The following ZAN variants were observed in gnomAD, a reference collection of about 807,000 sequenced individuals.
ZAN encodes zonadhesin, also known as zonadhesin (gene/pseudogene).
Under a neutral mutation model 286.2 loss-of-function variants are expected in ZAN, and 260 were observed. That is an observed-to-expected ratio of 0.91 (90% CI 0.82 to 1.01). The LOEUF (loss-of-function observed/expected upper bound fraction) is 1.01, where lower values mean the gene tolerates loss of function less well. Ranked by LOEUF, ZAN falls within the 50% of genes least tolerant of loss-of-function variation. The pLI is 0.00. For missense variants in ZAN, 3,410 were observed against 3,639.2 expected, an observed-to-expected ratio of 0.94 and a Z score of 1.62; for synonymous variants, 1,368 against 1,417.5, an observed-to-expected ratio of 0.97 and a Z score of 0.79.
chr7:100,758,324 G>C lies in ZAN; in HGVS notation c.3432G>C (p.Gln1144His), dbSNP rs1273230569. The C allele has an allele frequency of 1.2e-6, 2 of 1,613,110 alleles. No individual in the cohort carries two copies. Among genetic ancestry groups the C allele is most frequent in the South Asian group, 1.1e-5 (1 of 91,064 alleles). ...THTVCQLKNG[Q>H]YGCHPYAGTA... ...CCGTGTGCCAGCTTAAGAATGGCCA[G>C]TATGGATGCCACCCCTACGGTGAGA... The change falls in exon 16 of 48, where the codon CAG becomes CAC. Residue 1144 changes from glutamine to histidine, a missense_variant. This residue lies in a region of ZAN where 1,042 missense variants were observed against 1,058.0 expected (regional missense o/e 0.98). Coordinates refer to ENST00000613979, the MANE Select transcript of ZAN (RefSeq NM_003386.3).
intron 42 of ZAN, among the ~76,000 whole-genome samples, chr7:100,792,982 C>CAAAAAAA (rs1232116032): frequency 0.02 from 979 of 50,078 alleles, 10 homozygotes; most frequent in Non-Finnish European, 0.043. Context: ...CATCCTATCT[C>CAAAAAAA]AAAAAAAAAA....
intron 35 of ZAN, among the ~76,000 whole-genome samples, chr7:100,783,127 G>A (rs1031717146): frequency 6.6e-6 from 1 of 151,954 alleles, no homozygotes; most frequent in African/African-American, 2.4e-5. Context: ...AAATAGCTGG[G>A]CGTGCTAGTA....
At chr7:100,797,524 G>T (rs1812441928) in intron 46 of ZAN, 53 bp from the exon 47 acceptor site, 2 of 1,613,610 alleles carry the variant, frequency 1.2e-6, no homozygotes, top group Admixed American at 1.7e-5. Flanking sequence ...GGAAGCGGCT[G>T]GGCCCGTAAA....
chr7:100,742,281 G>C (rs1422392939), intron 7 of ZAN, among the ~76,000 whole-genome samples: 7 of 106,426 alleles, frequency 6.6e-5, no homozygotes. Flanking sequence ...CGGCCGGGCA[G>C]AGACGCTCCT....
intron 40 of ZAN, 87 bp from the exon 41 acceptor site, chr7:100,791,879 C>A: frequency 6.9e-7 from 1 of 1,452,668 alleles, no homozygotes; most frequent in Non-Finnish European, 9.2e-7. Context: ...AGGCAGCCAC[C>A]ACCATGCCCG....
chr7:100,748,391 G>T lies in ZAN; in HGVS notation c.1170G>T (p.Gly390=). 1 of 1,614,004 alleles carries T rather than the reference G, an allele frequency of 6.2e-7. No individual in the cohort carries two copies. Among genetic ancestry groups the T allele is most frequent in the South Asian group, 1.1e-5 (1 of 91,086 alleles). Residue 390 remains glycine, a synonymous_variant, in exon 11 of 48, where the codon GGG becomes GGT. Coordinates refer to ENST00000613979, the MANE Select transcript of ZAN (RefSeq NM_003386.3). The stretch of plus-strand genomic sequence containing the variant: ...TCTGTGACTGGGTCCAGACTTCCGG[G>T]GATGGTGGACACTGGGCCCTCGGAC... ...HPFCDWVQTS[G]DGGHWALGHK... is the part of the protein sequence containing the mutation.
At chr7:100,747,476 C>A in intron 8 of ZAN, 74 bp from the exon 9 acceptor site, 1 of 1,256,130 alleles carries the variant, frequency 8.0e-7, no homozygotes, top group Non-Finnish European at 1.2e-6. Flanking sequence ...TGCTCCTCAT[C>A]CTCCTAGGTA....
chr7:100,788,034 A>ACG lies in ZAN; in HGVS notation c.7127_7128dup (p.Asn2377AlafsTer16). 6.4e-7 allele frequency: 1 copy of ACG among 1,569,972 alleles called. No individual in the cohort carries two copies. Among genetic ancestry groups the ACG allele is most frequent in the Non-Finnish European group, 8.7e-7 (1 of 1,150,006 alleles). On this transcript the variant is annotated frameshift_variant, in exon 38 of 48. Coordinates refer to ENST00000613979, the MANE Select transcript of ZAN (RefSeq NM_003386.3). LOFTEE classifies it high-confidence loss of function. ...GGGTGGAGCCCCTCCTCGTGGAAGG[A>ACG]CGCAACAAGATGGATCCGCCCAGGA... is the stretch of plus-strand genomic sequence containing the variant.
At chr7:100,795,941 T>C (rs1812333760) in intron 45 of ZAN, among the ~76,000 whole-genome samples, 1 of 148,050 alleles carries the variant, frequency 6.8e-6, no homozygotes, top group Non-Finnish European at 1.5e-5. Flanking sequence ...ATTAGCTGGG[T>C]ATGGTGGTGC....
At chr7:100,781,372 G>A (rs1302927088) in intron 35 of ZAN, among the ~76,000 whole-genome samples, 1 of 152,048 alleles carries the variant, frequency 6.6e-6, no homozygotes, top group Non-Finnish European at 1.5e-5. Flanking sequence ...GGCCAAGAAA[G>A]TTTATTTTTC....
At chr7:100,792,982 C>CAAAAAAAAAAAAAA (rs1232116032) in intron 42 of ZAN, among the ~76,000 whole-genome samples, 10 of 50,942 alleles carry the variant, frequency 2.0e-4, no homozygotes, top group South Asian at 1.4e-3. Flanking sequence ...CATCCTATCT[C>CAAAAAAAAAAAAAA]AAAAAAAAAA....
chr7:100,751,569 T>C (rs968592109), intron 13 of ZAN, 143 bp from the exon 14 acceptor site: 2 of 887,418 alleles, frequency 2.3e-6, no homozygotes, highest in Non-Finnish European at 3.3e-6. Context: ...TAGTGTTCGT[T>C]GAGTGGATGA....
intron 45 of ZAN, among the ~76,000 whole-genome samples, chr7:100,796,123 C>T (rs1812348518): frequency 1.3e-5 from 2 of 151,906 alleles, no homozygotes; most frequent in African/African-American, 4.8e-5. Flanking sequence ...AAACTAGTTC[C>T]TGTGCCCATC....
intron 10 of ZAN, 51 bp downstream of exon 10, chr7:100,748,266 G>A (rs368578791): frequency 2.5e-5 from 41 of 1,613,716 alleles, no homozygotes; most frequent in South Asian, 3.3e-5. Context: ...GGGGTGGGCT[G>A]GGGGAGGGCT....
chr7:100,759,986 G>A, intron 18 of ZAN, 141 bp downstream of exon 18: 1 of 1,350,396 alleles, frequency 7.4e-7, no homozygotes, highest in Non-Finnish European at 9.8e-7. Context: ...GGCTAAAGTG[G>A]GAGGATTGCT....
At position 100,752,579 on chromosome 7, in the gene ZAN, C is replaced by T. The variant is rs577693995; in HGVS notation, c.2474C>T (p.Pro825Leu). The T allele has an allele frequency of 5.0e-6, 8 of 1,613,236 alleles. No homozygotes were observed. In the East Asian group the frequency reaches 1.6e-4, roughly 31 times the overall value. ...ATCCCCATGGAAAAACCCACTCTCCCCACTGAAGAAACCACCACCTCTGTT... is the reference window on the plus strand; with the variant it reads ...ATCCCCATGGAAAAACCCACTCTCCTCACTGAAGAAACCACCACCTCTGTT... ...PSIPMEKPTL[P>L]TEETTTSVEE... Residue 825 changes from proline to leucine, a missense_variant, in exon 14 of 48, where the codon CCC becomes CTC. Pro to Leu is a moderately conservative substitution (Grantham distance 98). Around this residue, in one of 7 missense-constraint regions of ZAN, gnomAD observed 90 missense variants for 87.1 expected, o/e 1.03. Coordinates refer to ENST00000613979, the MANE Select transcript of ZAN (RefSeq NM_003386.3).
At position 100,771,931 on chromosome 7, in the gene ZAN, C is replaced by A; in HGVS notation, c.5336C>A (p.Thr1779Asn). 6.2e-7 allele frequency: 1 copy of A among 1,612,778 alleles called. No homozygotes were observed. The highest frequency in any genetic ancestry group is 8.5e-7 in the Non-Finnish European group (1 of 1,179,830). ...VHGQCGTKGDTTALCRSLQAY... is the reference protein window; with the variant it reads ...VHGQCGTKGDNTALCRSLQAY... ...GGTCAGTGTGGGACCAAGGGCGACA[C>A]CACAGCCCTGTGCCGCTCCCTGCAG... Residue 1779 changes from threonine (T) to asparagine (N), a missense_variant, in exon 29 of 48, where the codon ACC becomes AAC. Coordinates refer to ENST00000613979, the MANE Select transcript of ZAN (RefSeq NM_003386.3).
In ZAN at chr7:100,758,630, AGCC is replaced by A. The variant is rs1261086567; in HGVS notation, c.3552_3554del (p.Gln1184_Pro1185delinsHis). The A allele has an allele frequency of 2.6e-6, 4 of 1,556,652 alleles. No individual in the cohort carries two copies. Among genetic ancestry groups the A allele is most frequent in the Non-Finnish European group, 3.5e-6 (4 of 1,150,076 alleles). ...GGCAAGTGCACTTACATCTTGGCCC[AGCC>A]CTGTGGCAACTCAACAGGTAGGCCC... On this transcript the variant is annotated inframe_deletion, in exon 17 of 48. Coordinates refer to ENST00000613979, the MANE Select transcript of ZAN (RefSeq NM_003386.3).
intron 35 of ZAN, 21 bp from the exon 36 acceptor site, chr7:100,784,602 C>T (rs746017682): frequency 1.2e-6 from 2 of 1,612,028 alleles, no homozygotes; most frequent in Admixed American, 1.7e-5. Context: ...TCCACTGACC[C>T]ACTGTCTCCT....
Sources: gnomAD v4.1 joint callset for allele counts (sites outside exome capture counted in the v4.1 genomes callset) on GRCh38, gnomAD v4.1.1 for gene constraint, gnomAD v4.1.1 regional missense constraint, MANE v1.5 for transcripts, NCBI Gene and HGNC (gene_info 2026-07-23, HGNC 2026-07-21) for gene names.